Variants in MAMDC2 observed in about 807,000 individuals in gnomAD.
MAMDC2 encodes MAM domain containing 2.
In MAMDC2, 57 loss-of-function variants were observed where a neutral mutation model predicts 89.8. The observed-to-expected ratio is 0.63, with a 90% confidence interval of 0.51 to 0.79. The LOEUF is 0.79. Among genes scored for constraint, MAMDC2 ranks in the 30% least tolerant of loss-of-function variants. The pLI, the probability that MAMDC2 is intolerant of heterozygous loss-of-function variation, is 0.00. For synonymous variants in MAMDC2, 313 were observed against 293.4 expected (o/e 1.07, Z -0.68); for missense variants, 800 against 820.6 (o/e 0.97, Z 0.31).
chr9:70,162,171 T>G (rs563851634), intron 9 of MAMDC2, among the ~76,000 whole-genome samples: 2 of 152,300 alleles, frequency 1.3e-5, no homozygotes, highest in East Asian at 3.9e-4. Flanking sequence ...ACCATGTCTA[T>G]CAAGCAGGTC....
intron 2 of MAMDC2, among the ~76,000 whole-genome samples, chr9:70,075,298 A>G (rs527389345): frequency 1.5e-3 from 234 of 152,286 alleles, no homozygotes; most frequent in South Asian, 2.7e-3. Flanking sequence ...CAAAACCCAC[A>G]GCTGTGATTC....
chr9:70,048,541 C>T (rs2117967422), intron 2 of MAMDC2, among the ~76,000 whole-genome samples: 1 of 152,320 alleles, frequency 6.6e-6, no homozygotes, highest in African/African-American at 2.4e-5. Flanking sequence ...TTGAGTGATC[C>T]ACCCGCTTCG....
chr9:70,200,123 G>GC (rs1464892343), intron 11 of MAMDC2, among the ~76,000 whole-genome samples: 1 of 151,936 alleles, frequency 6.6e-6, no homozygotes, highest in Non-Finnish European at 1.5e-5. Flanking sequence ...TGAAGTCCTT[G>GC]CCCATGCCTA....
At chr9:70,165,204 C>T (rs958967687) in intron 9 of MAMDC2, among the ~76,000 whole-genome samples, 1 of 152,134 alleles carries the variant, frequency 6.6e-6, no homozygotes, top group East Asian at 1.9e-4. Context: ...TCCTTAAGAA[C>T]AGGACAAGAT....
intron 2 of MAMDC2, among the ~76,000 whole-genome samples, chr9:70,072,430 C>T (rs1224080473): frequency 1.3e-5 from 2 of 152,162 alleles, no homozygotes; most frequent in Non-Finnish European, 1.5e-5. Flanking sequence ...TCCTTTCCAA[C>T]ATAGATTACA....
intron 2 of MAMDC2, among the ~76,000 whole-genome samples, chr9:70,060,358 A>G (rs1210038673): frequency 6.6e-6 from 1 of 152,212 alleles, no homozygotes; most frequent in African/African-American, 2.4e-5. Context: ...GCTTTTTTAA[A>G]TAAAAAGAAA....
chr9:70,202,457 G>A (rs1481568513), intron 11 of MAMDC2, among the ~76,000 whole-genome samples: 1 of 151,302 alleles, frequency 6.6e-6, no homozygotes, highest in Non-Finnish European at 1.5e-5. Flanking sequence ...ATTTGCTGAG[G>A]AGAGCTTTAC....
At chr9:70,209,015 C>T (rs1255224870) in intron 11 of MAMDC2, among the ~76,000 whole-genome samples, 1 of 152,188 alleles carries the variant, frequency 6.6e-6, no homozygotes, top group Non-Finnish European at 1.5e-5. Flanking sequence ...TTTTGATGTG[C>T]TGCTGGATTC....
At chr9:70,179,947 G>C (rs2032601642) in intron 11 of MAMDC2, among the ~76,000 whole-genome samples, 1 of 148,112 alleles carries the variant, frequency 6.8e-6, no homozygotes, top group Non-Finnish European at 1.5e-5. Flanking sequence ...ATACATGTGT[G>C]ATGGTGCTTT....
chr9:70,164,174 G>T (rs1303993612), intron 9 of MAMDC2, among the ~76,000 whole-genome samples: 1 of 152,152 alleles, frequency 6.6e-6, no homozygotes, highest in African/African-American at 2.4e-5. Context: ...CTAATGAGTA[G>T]AGGTTACAGT....
intron 2 of MAMDC2, chr9:70,090,886 A>G (rs543387552): frequency 6.6e-5 from 10 of 152,328 alleles, no homozygotes; most frequent in Non-Finnish European, 1.0e-4. Flanking sequence ...ATTATGGTAC[A>G]TTTATACAAT....
chr9:70,179,295 G>A (rs1224432706), intron 11 of MAMDC2, among the ~76,000 whole-genome samples: 2 of 151,786 alleles, frequency 1.3e-5, no homozygotes, highest in East Asian at 1.9e-4. Context: ...GGCGGATCAC[G>A]AGGTCAGGAG....
chr9:70,109,768 C>G lies in MAMDC2; in HGVS notation c.469C>G (p.Leu157Val). ...LGQGNTASIALFEIKMTTGYC... is the reference protein window; with the variant it reads ...LGQGNTASIAVFEIKMTTGYC... ...ACAGGGAAACACAGCCAGCATCGCA[C>G]TATTTGAAATCAAGATGACAACCGG... Residue 157 changes from leucine to valine, a missense_variant, in exon 4 of 14, where the codon CTA becomes GTA. Coordinates refer to ENST00000377182, the MANE Select transcript of MAMDC2 (RefSeq NM_153267.5). The G allele has an allele frequency of 6.2e-7, 1 of 1,614,002 alleles. No individual in the cohort carries two copies. The highest frequency in any genetic ancestry group is 8.5e-7 in the Non-Finnish European group (1 of 1,179,890).
chr9:70,213,983 T>TG (rs1434760218), intron 11 of MAMDC2, among the ~76,000 whole-genome samples: 4 of 152,108 alleles, frequency 2.6e-5, no homozygotes, highest in Non-Finnish European at 5.9e-5. Context: ...CTTAGAGCTG[T>TG]GGGAAAAAAT....
intron 9 of MAMDC2, among the ~76,000 whole-genome samples, chr9:70,164,650 T>A (rs2032107033): frequency 6.6e-6 from 1 of 152,138 alleles, no homozygotes; most frequent in Admixed American, 6.6e-5. Flanking sequence ...TTCTTTTTTT[T>A]AATTAATTGT....
Position 70,044,588 on chromosome 9 carries a change from G to A in MAMDC2, c.39G>A (p.Leu13=), listed in dbSNP as rs1228058141. 1.3e-6 allele frequency: 2 copies of A among 1,549,754 alleles called. No individual in the cohort carries two copies. The highest frequency in any genetic ancestry group is 2.0e-5 in the Admixed American group (1 of 50,988). Residue 13 remains leucine, a synonymous_variant, in exon 2 of 14, where the codon CTG becomes CTA. Coordinates refer to ENST00000377182, the MANE Select transcript of MAMDC2 (RefSeq NM_153267.5). ...AAACTCGCTTTGTGCCCGCAGCCCT[G>A]CAGCTCGCCGGTGCCCTCGACCTGC... ...LRGVLLALQA[L]QLAGALDLPA... is the part of the protein sequence containing the mutation.
chr9:70,186,145 T>C (rs1209957126), intron 11 of MAMDC2, among the ~76,000 whole-genome samples: 1 of 132,388 alleles, frequency 7.6e-6, no homozygotes, highest in South Asian at 3.0e-4. Flanking sequence ...TTTATATTTA[T>C]ATGTTTTTTA....
chr9:70,194,836 A>T (rs1016957590), intron 11 of MAMDC2, among the ~76,000 whole-genome samples: 1 of 152,292 alleles, frequency 6.6e-6, no homozygotes, highest in South Asian at 2.1e-4. Context: ...AAATTATGAC[A>T]TATGAGTACA....
chr9:70,072,170 C>T (rs555449665), intron 2 of MAMDC2, among the ~76,000 whole-genome samples: 28 of 152,284 alleles, frequency 1.8e-4, no homozygotes, highest in African/African-American at 5.5e-4. Context: ...GTAGAAGATA[C>T]TGACCCTCAC....
Sources: gnomAD v4.1 joint callset for allele counts (sites outside exome capture counted in the v4.1 genomes callset) on GRCh38, gnomAD v4.1.1 for gene constraint, MANE v1.5 for transcripts, NCBI Gene and HGNC (gene_info 2026-07-23, HGNC 2026-07-21) for gene names.